Variants in QKI observed in about 807,000 individuals in gnomAD.
The protein encoded by QKI is KH domain-containing RNA-binding protein QKI.
QKI carries 10 observed loss-of-function variants against 39.0 expected under a neutral mutation model. That is an observed-to-expected ratio of 0.26 (90% CI 0.16 to 0.43). The LOEUF (loss-of-function observed/expected upper bound fraction) is 0.43. QKI is among the 20% of genes least tolerant of loss of function. The probability of loss-of-function intolerance (pLI) is 1.00; values close to 1 mark genes in which losing one functional copy is unlikely to be tolerated. For synonymous variants in QKI, 204 were observed against 155.4 expected (o/e 1.31, Z -2.33); for missense variants, 218 against 428.0 (o/e 0.51, Z 4.33).
At chr6:163,544,045 A>G (rs1453866646) in intron 4 of QKI, among the ~76,000 whole-genome samples, 1 of 152,060 alleles carries the variant, frequency 6.6e-6, no homozygotes, top group Non-Finnish European at 1.5e-5. Context: ...CCCTTTTGGA[A>G]AATAAATAAG....
At chr6:163,536,709 T>G (rs1356922653) in intron 4 of QKI, among the ~76,000 whole-genome samples, 1 of 151,720 alleles carries the variant, frequency 6.6e-6, no homozygotes, top group African/African-American at 2.4e-5. Context: ...AATAAATGAT[T>G]GAATCTTGTC....
chr6:163,522,140 T>C (rs1376477339), intron 3 of QKI, among the ~76,000 whole-genome samples: 1 of 152,144 alleles, frequency 6.6e-6, no homozygotes, highest in East Asian at 1.9e-4. Flanking sequence ...GAAAATAAGA[T>C]TTCAAAAAAT....
At chr6:163,443,566 TAACAACAAC>T (rs3884381) in intron 1 of QKI, among the ~76,000 whole-genome samples, 2 of 152,096 alleles carry the variant, frequency 1.3e-5, no homozygotes, top group African/African-American at 4.8e-5. Flanking sequence ...CTCAAAACAA[TAACAACAAC>T]AACAACAACA....
rs139177351 is a variant in QKI, at chr6:163,471,527, A to G, written c.286-7253A>G. ...CATATAAACTGGATTGAGGATAAAT[A>G]TTACACTTTCTGAGGTCCTTGTATT... On this transcript the variant is annotated intron_variant, in intron 2 of 7. Transcript: ENST00000361752. 1.8e-4 allele frequency among the ~76,000 whole-genome samples: 27 copies of G among 152,264 alleles called. No homozygotes were observed. In the East Asian group the frequency reaches 4.6e-3, roughly 26 times the overall value.
chr6:163,527,101 G>A (rs777154639), intron 3 of QKI, among the ~76,000 whole-genome samples: 2 of 152,120 alleles, frequency 1.3e-5, no homozygotes, highest in Non-Finnish European at 2.9e-5. Flanking sequence ...CCTAGATGAT[G>A]ATTTCAACGG....
chr6:163,456,060 T>G (rs1441127695), intron 2 of QKI, among the ~76,000 whole-genome samples: 1 of 152,216 alleles, frequency 6.6e-6, no homozygotes, highest in African/African-American at 2.4e-5. Context: ...ACATTGACCC[T>G]CTTTTGGCTT....
chr6:163,472,007 A>G (rs1207526790), intron 2 of QKI, among the ~76,000 whole-genome samples: 1 of 152,136 alleles, frequency 6.6e-6, no homozygotes, highest in Non-Finnish European at 1.5e-5. Flanking sequence ...CCACTTCATA[A>G]TGACAGAAAG....
chr6:163,455,413 T>C lies in QKI; in HGVS notation c.277T>C (p.Tyr93His). ...GAAACTTTATGTGCCTGTAAAAGAA[T>C]ACCCAGATGTAAGTATATTTTGTTG... ...QEKLYVPVKE[Y>H]PDFNFVGRIL... Residue 93 changes from tyrosine (Y) to histidine (H), a missense_variant, in exon 2 of 8, where the codon TAC becomes CAC. Tyr to His is a moderately conservative substitution (Grantham distance 83). Around this residue, in one of 3 missense-constraint regions of QKI, gnomAD observed 61 missense variants for 193.3 expected, o/e 0.32. Coordinates refer to ENST00000361752, the MANE Select transcript of QKI (RefSeq NM_006775.3). 1 of 1,610,588 alleles carries C rather than the reference T, an allele frequency of 6.2e-7. No homozygotes were observed. Among genetic ancestry groups the C allele is most frequent in the Non-Finnish European group, 8.5e-7 (1 of 1,177,546 alleles).
chr6:163,415,274 C>A lies in QKI; in HGVS notation c.81C>A (p.Leu27=), dbSNP rs766236817. 12 of 1,596,050 alleles carry A rather than the reference C, an allele frequency of 7.5e-6. No homozygotes were observed. Among genetic ancestry groups the A allele is most frequent in the Admixed American group, 1.7e-5 (1 of 58,842 alleles). ...YLMQLMNDKK[L]MSSLPNFCGI... is the part of the protein sequence containing the mutation. ...TGCAGCTGATGAACGACAAGAAGCT[C>A]ATGAGCAGCCTGCCCAACTTCTGCG... Residue 27 remains leucine (L), a synonymous_variant, in exon 1 of 8, where the codon CTC becomes CTA. Transcript: ENST00000361752.
intron 7 of QKI, chr6:163,570,363 TTG>T (rs1484733273): frequency 1.2e-4 from 118 of 983,546 alleles, no homozygotes; most frequent in Non-Finnish European, 1.3e-4. Context: ...CTATTCATTG[TTG>T]TTTTTCAATT....
chr6:163,500,060 A>G (rs917702237), intron 3 of QKI, among the ~76,000 whole-genome samples: 8 of 152,282 alleles, frequency 5.3e-5, no homozygotes, highest in Admixed American at 5.2e-4. Flanking sequence ...GGGTGAAGTT[A>G]GAGCAAAAGC....
At chr6:163,553,639 G>A (rs2128247261) in intron 4 of QKI, among the ~76,000 whole-genome samples, 1 of 152,090 alleles carries the variant, frequency 6.6e-6, no homozygotes, top group Admixed American at 6.5e-5. Flanking sequence ...TGCCTGTTAA[G>A]ATTACTATTA....
At chr6:163,560,662 C>G (rs537460425) in intron 4 of QKI, among the ~76,000 whole-genome samples, 1 of 152,208 alleles carries the variant, frequency 6.6e-6, no homozygotes, top group South Asian at 2.1e-4. Flanking sequence ...ATGGGCTTAA[C>G]TTGAGAGGAT....
intron 2 of QKI, among the ~76,000 whole-genome samples, chr6:163,460,464 A>G (rs1247363776): frequency 2.6e-5 from 4 of 152,168 alleles, no homozygotes; most frequent in African/African-American, 9.7e-5. Flanking sequence ...ATAATAATAC[A>G]TGTTGATGAT....
intron 2 of QKI, among the ~76,000 whole-genome samples, chr6:163,462,338 G>T (rs973374956): frequency 2.0e-5 from 3 of 152,104 alleles, no homozygotes. Flanking sequence ...TTGAAATCTT[G>T]TTTTGTCTGC....
At chr6:163,508,819 G>A (rs918799033) in intron 3 of QKI, among the ~76,000 whole-genome samples, 5 of 151,306 alleles carry the variant, frequency 3.3e-5, no homozygotes, top group African/African-American at 1.2e-4. Flanking sequence ...ATGAGCCACC[G>A]TGCTTGGGCA....
chr6:163,419,437 G>A (rs1787813123), intron 1 of QKI, among the ~76,000 whole-genome samples: 1 of 151,998 alleles, frequency 6.6e-6, no homozygotes, highest in Non-Finnish European at 1.5e-5. Context: ...AGCAATTACT[G>A]TTGTCAGTAA....
At chr6:163,474,674 A>G (rs983801644) in intron 2 of QKI, among the ~76,000 whole-genome samples, 7 of 151,458 alleles carry the variant, frequency 4.6e-5, no homozygotes, top group African/African-American at 1.7e-4. Flanking sequence ...CTGTAATCCT[A>G]GCTCTTTGGG....
At chr6:163,565,809 CACATT>C (rs1783330052) in intron 6 of QKI, 2 of 1,364,746 alleles carry the variant, frequency 1.5e-6, no homozygotes, top group African/African-American at 1.4e-5. Flanking sequence ...TGTCACATCT[CACATT>C]AAATTATTTT....
Sources: allele counts gnomAD v4.1 joint callset (sites outside exome capture counted in the v4.1 genomes callset), GRCh38; gene constraint gnomAD v4.1.1; regional missense constraint gnomAD v4.1.1; transcripts MANE v1.5; gene names NCBI Gene and HGNC (gene_info 2026-07-23, HGNC 2026-07-21).